SLC13A1: variants seen among roughly 807,000 people sequenced by gnomAD.
SLC13A1 encodes the protein solute carrier family 13 member 1.
A neutral mutation model predicts 70.0 loss-of-function variants in SLC13A1; 65 were observed. The ratio of observed to expected loss-of-function variants is 0.93; its 90% confidence interval spans 0.76 to 1.14. The LOEUF is 1.14. Ranked by LOEUF, SLC13A1 falls within the 50% of genes most tolerant of loss-of-function variation. The pLI is 0.00. For missense variants in SLC13A1, 726 were observed against 717.8 expected, an observed-to-expected ratio of 1.01 and a Z score of -0.13; for synonymous variants, 275 against 250.5, an observed-to-expected ratio of 1.10 and a Z score of -0.92.
At chr7:123,149,144 C>T (rs899144238) in intron 6 of SLC13A1, among the ~76,000 whole-genome samples, 3 of 152,042 alleles carry the variant, frequency 2.0e-5, no homozygotes, top group African/African-American at 7.2e-5. Context: ...TACCTGGTCT[C>T]TTTATGTTGA....
intron 10 of SLC13A1, among the ~76,000 whole-genome samples, chr7:123,128,572 T>A (rs73217759): frequency 3.9e-5 from 6 of 152,022 alleles, no homozygotes; most frequent in African/African-American, 9.7e-5. Context: ...AATAATTTTG[T>A]AGGGATGGGA....
Position 123,129,365 on chromosome 7 carries a change from TG to T in SLC13A1, c.1031+17del. On this transcript the variant is annotated intron_variant, in intron 9 of 14. Coordinates refer to ENST00000194130, the MANE Select transcript of SLC13A1 (RefSeq NM_022444.4). ...GTGTGTGTGTGTGTGTGTGTGTGTGTGTGTGTGTTTGTCTTACCTTATTGGC... is the reference window on the plus strand; with the variant it reads ...GTGTGTGTGTGTGTGTGTGTGTGTGTTGTGTGTTTGTCTTACCTTATTGGC... 8.4e-7 allele frequency: 1 copy of T among 1,191,526 alleles called. No homozygotes were observed. The highest frequency in any genetic ancestry group is 1.2e-6 in the Non-Finnish European group (1 of 834,190). 73.8% of individuals were successfully genotyped at this position (1,191,526 alleles called of 1,614,324 possible). A position where few individuals can be genotyped will look rare whatever the true frequency, so the allele number is the denominator to read the frequency against.
chr7:123,129,481 A>G lies in SLC13A1; in HGVS notation c.933T>C (p.Asn311=), dbSNP rs576272074. The G allele has an allele frequency of 5.0e-6, 8 of 1,611,618 alleles. No homozygotes were observed. The South Asian group carries it at 8.8e-5, about 18-fold the overall frequency. The change falls in exon 9 of 15, where the codon AAT becomes AAC. Residue 311 remains asparagine (N), a splice_region_variant and synonymous_variant. Coordinates refer to ENST00000194130, the MANE Select transcript of SLC13A1 (RefSeq NM_022444.4). ...IWLQWLFLGF[N]FKEMFKCGKT... The stretch of plus-strand genomic sequence containing the variant: ...TGCCACATTTGAACATCTCCTTAAA[A>G]CTGCAAAGAATAATTAAGCCTGTAA...
intron 6 of SLC13A1, among the ~76,000 whole-genome samples, chr7:123,167,411 C>T (rs1795112558): frequency 6.6e-6 from 1 of 152,086 alleles, no homozygotes; most frequent in Admixed American, 6.5e-5. Context: ...TATTCATTTT[C>T]TCTTTACATA....
intron 6 of SLC13A1, among the ~76,000 whole-genome samples, chr7:123,157,803 C>A (rs1465871855): frequency 6.6e-6 from 1 of 152,042 alleles, no homozygotes; most frequent in East Asian, 1.9e-4. Context: ...TTCAGTGTAT[C>A]ATGTTGCAAG....
rs139617656 is a variant in SLC13A1 at position 123,148,016 on chromosome 7, C to T, written c.661-706G>A. Among the ~76,000 whole-genome samples the T allele has an allele frequency of 1.2e-4, 18 of 152,224 alleles. 1 individual carries two copies. In the East Asian group the frequency reaches 3.3e-3, roughly 28 times the overall value. ...TGGATGGTTCCCAGGGGATATTACTCCTGAAGTGGAATGTTTTCAACACCA... is the reference window on the plus strand; with the variant it reads ...TGGATGGTTCCCAGGGGATATTACTTCTGAAGTGGAATGTTTTCAACACCA... On this transcript the variant is annotated intron_variant, in intron 6 of 14. Coordinates refer to ENST00000194130, the MANE Select transcript of SLC13A1 (RefSeq NM_022444.4).
At chr7:123,188,833 C>T (rs183869101) in intron 1 of SLC13A1, among the ~76,000 whole-genome samples, 437 of 152,154 alleles carry the variant, frequency 2.9e-3, no homozygotes, top group Non-Finnish European at 3.7e-3. Flanking sequence ...GAAAATCTTT[C>T]GGCCGGGTGC....
chr7:123,125,264 G>T (rs1295382029), intron 11 of SLC13A1, among the ~76,000 whole-genome samples: 1 of 152,008 alleles, frequency 6.6e-6, no homozygotes, highest in Non-Finnish European at 1.5e-5. Flanking sequence ...TCCTCTGTTT[G>T]CCAATAGTAA....
In SLC13A1 at chr7:123,113,539, T is replaced by C. The variant is rs1793072653; in HGVS notation, c.*1979A>G. The C allele has an allele frequency of 1.3e-5, 2 of 152,196 alleles. No individual in the cohort carries two copies. The highest frequency in any genetic ancestry group is 1.3e-4 in the Admixed American group (2 of 15,282). 9.4% of individuals were successfully genotyped at this position (152,196 alleles called of 1,614,324 possible). A position where few individuals can be genotyped will look rare whatever the true frequency, so the allele number is the denominator to read the frequency against. On this transcript the variant is annotated 3_prime_UTR_variant, in exon 15 of 15. Transcript: ENST00000194130. ...AGACCAAAACTTACTCATTATAATT[T>C]GAAAAGTCATTTTATTTTTTCATAA...
chr7:123,179,765 A>G (rs1795576705), intron 2 of SLC13A1, among the ~76,000 whole-genome samples: 1 of 152,098 alleles, frequency 6.6e-6, no homozygotes, highest in South Asian at 2.1e-4. Context: ...CAGTTAATTT[A>G]GTCAGTTTTA....
At chr7:123,147,534 A>G (rs1794402705) in intron 6 of SLC13A1, among the ~76,000 whole-genome samples, 1 of 138,508 alleles carries the variant, frequency 7.2e-6, no homozygotes, top group South Asian at 2.3e-4. Context: ...AGAGAGCTTG[A>G]TTCCTCTCTC....
chr7:123,162,134 G>A (rs1457840922), intron 6 of SLC13A1, among the ~76,000 whole-genome samples: 1 of 151,678 alleles, frequency 6.6e-6, no homozygotes. Context: ...AGTGTGGGGG[G>A]CTTATTGTAC....
chr7:123,166,989 A>G (rs947775851), intron 6 of SLC13A1, among the ~76,000 whole-genome samples: 2 of 152,210 alleles, frequency 1.3e-5, no homozygotes, highest in Admixed American at 6.5e-5. Flanking sequence ...CAAAACCACA[A>G]TGAGATACCA....
rs1165059630 is a variant in SLC13A1, at chr7:123,114,530, A to AT, written c.*987dup. On this transcript the variant is annotated 3_prime_UTR_variant, in exon 15 of 15. Transcript: ENST00000194130. ...TTATTCTTTTTTCCTTCTTTTTTTCATTTTTTCATTGCAATGTTAACACAC... is the reference window on the plus strand; with the variant it reads ...TTATTCTTTTTTCCTTCTTTTTTTCATTTTTTTCATTGCAATGTTAACACAC... 1 of 143,114 alleles carries AT rather than the reference A, an allele frequency of 7.0e-6. No homozygotes were observed. Among genetic ancestry groups the AT allele is most frequent in the Admixed American group, 6.9e-5 (1 of 14,478 alleles). 8.9% of individuals were successfully genotyped at this position (143,114 alleles called of 1,614,324 possible).
intron 12 of SLC13A1, among the ~76,000 whole-genome samples, chr7:123,122,884 T>C (rs541243611): frequency 1.3e-5 from 2 of 152,284 alleles, no homozygotes; most frequent in South Asian, 4.1e-4. Context: ...TTTAATCTTC[T>C]TTGTATTATT....
intron 10 of SLC13A1, among the ~76,000 whole-genome samples, chr7:123,126,274 C>T (rs933094176): frequency 6.6e-6 from 1 of 152,114 alleles, no homozygotes; most frequent in African/African-American, 2.4e-5. Context: ...GAAATTCAAT[C>T]AAGAATATTA....
intron 6 of SLC13A1, chr7:123,149,526 A>G (rs540166358): frequency 6.6e-6 from 3 of 456,398 alleles, no homozygotes; most frequent in Non-Finnish European, 1.3e-5. Flanking sequence ...AAATACTCCA[A>G]CTTTCTCCAT....
rs1380141582 is a variant in SLC13A1, at chr7:123,159,018, TAACTC to T, written c.660+9351_660+9355del. The stretch of plus-strand genomic sequence containing the variant: ...ACAAAGATATTAATAAATATGAACA[TAACTC>T]TACAGAGCACTGATTTTAAAAAATA... On this transcript the variant is annotated intron_variant, in intron 6 of 14. Transcript: ENST00000194130. Among the ~76,000 whole-genome samples, 7 of 152,100 alleles carry T rather than the reference TAACTC, an allele frequency of 4.6e-5. No individual in the cohort carries two copies. In the East Asian group the frequency reaches 1.4e-3, roughly 29 times the overall value.
At chr7:123,195,055 A>T (rs544109277) in intron 1 of SLC13A1, among the ~76,000 whole-genome samples, 2 of 152,168 alleles carry the variant, frequency 1.3e-5, no homozygotes, top group African/African-American at 4.8e-5. Context: ...TCTGCAAGCT[A>T]CATAAAGACA....
Sources: allele counts gnomAD v4.1 joint callset (sites outside exome capture counted in the v4.1 genomes callset), GRCh38; gene constraint gnomAD v4.1.1; transcripts MANE v1.5; gene names NCBI Gene and HGNC (gene_info 2026-07-23, HGNC 2026-07-21).